Variants in MBOAT2 observed in about 807,000 individuals in gnomAD.
The protein encoded by MBOAT2 is membrane-bound glycerophospholipid O-acyltransferase 2.
MBOAT2 carries 28 observed loss-of-function variants against 63.4 expected under a neutral mutation model. The observed-to-expected ratio is 0.44, with a 90% CI of 0.33 to 0.61. The LOEUF (loss-of-function observed/expected upper bound fraction) is 0.61, where lower values mean the gene tolerates loss of function less well. Among genes scored for constraint, MBOAT2 ranks in the 20% least tolerant of loss-of-function variants. MBOAT2 has a pLI of 0.03. For missense variants in MBOAT2, 470 were observed against 605.8 expected, an observed-to-expected ratio of 0.78 and a Z score of 2.35; for synonymous variants, 211 against 215.6, an observed-to-expected ratio of 0.98 and a Z score of 0.19.
chr2:8,871,958 A>C (rs1662358438), intron 8 of MBOAT2, among the ~76,000 whole-genome samples: 1 of 152,208 alleles, frequency 6.6e-6, no homozygotes, highest in African/African-American at 2.4e-5. Flanking sequence ...ACATATATAA[A>C]AGAGGTTTCA....
At chr2:8,863,184 T>C (rs114453448) in intron 10 of MBOAT2, among the ~76,000 whole-genome samples, 2,698 of 152,258 alleles carry the variant, frequency 0.018, 34 homozygotes, top group Non-Finnish European at 0.029. Flanking sequence ...CCCTAAGGTA[T>C]CAAATTTAAA....
chr2:8,878,829 CA>C (rs1179306354), intron 6 of MBOAT2, among the ~76,000 whole-genome samples: 12 of 152,250 alleles, frequency 7.9e-5, no homozygotes, highest in African/African-American at 2.9e-4. Flanking sequence ...GTAATCCCAG[CA>C]CTTTGGGAGG....
chr2:8,890,995 T>C (rs1663951870), intron 4 of MBOAT2, among the ~76,000 whole-genome samples: 1 of 152,240 alleles, frequency 6.6e-6, no homozygotes, highest in Admixed American at 6.5e-5. Flanking sequence ...AAAAAACCCA[T>C]GAGCTACTCA....
At chr2:8,959,627 A>G (rs1669475999) in intron 1 of MBOAT2, among the ~76,000 whole-genome samples, 1 of 152,014 alleles carries the variant, frequency 6.6e-6, no homozygotes, top group African/African-American at 2.4e-5. Flanking sequence ...ATGCCGAGCT[A>G]ATCTGTGCAT....
chr2:8,858,475 C>T lies in MBOAT2; in HGVS notation c.*204G>A. The T allele has an allele frequency of 2.0e-6, 1 of 512,042 alleles. No individual in the cohort carries two copies. Among genetic ancestry groups the T allele is most frequent in the East Asian group, 3.0e-5 (1 of 33,158 alleles). 31.7% of individuals were successfully genotyped at this position (512,042 alleles called of 1,614,324 possible). On this transcript the variant is annotated 3_prime_UTR_variant, in exon 13 of 13. Transcript: ENST00000305997. ...CCACTGAAATATGGAAATATTCTTA[C>T]ATAAGGCGTGGCCCACGGAGACATG...
chr2:9,003,389 T>G lies in MBOAT2; in HGVS notation c.75+151A>C. 3 of 321,558 alleles carry G rather than the reference T, an allele frequency of 9.3e-6. No individual in the cohort carries two copies. Among genetic ancestry groups the G allele is most frequent in the Middle Eastern group, 9.8e-4 (1 of 1,016 alleles). 19.9% of individuals were successfully genotyped at this position (321,558 alleles called of 1,614,324 possible). A position where few individuals can be genotyped will look rare whatever the true frequency, so the allele number is the denominator to read the frequency against. On this transcript the variant is annotated intron_variant, in intron 1 of 12. Transcript: ENST00000305997. This position sits in a 1 kb window ranked among gnomAD's most constrained non-coding sequence, Gnocchi z 5.4. ...GGGCTCTGGGACAATAACCGGCTTGTTGCCCCCTCCCTTCCAGGGAGCGGC... is the reference window on the plus strand; with the variant it reads ...GGGCTCTGGGACAATAACCGGCTTGGTGCCCCCTCCCTTCCAGGGAGCGGC...
At chr2:8,885,151 T>C (rs546971383) in intron 5 of MBOAT2, among the ~76,000 whole-genome samples, 2 of 152,216 alleles carry the variant, frequency 1.3e-5, no homozygotes, top group African/African-American at 2.4e-5. Flanking sequence ...TTAGTACTTA[T>C]GTATGAATAG....
chr2:8,994,269 T>TCA (rs1205606039), intron 1 of MBOAT2, among the ~76,000 whole-genome samples: 1 of 152,168 alleles, frequency 6.6e-6, no homozygotes, highest in Admixed American at 6.5e-5. Flanking sequence ...CCAGGTGTTA[T>TCA]CAGAGTAGAA....
chr2:8,954,973 G>C (rs1244627123), intron 2 of MBOAT2, among the ~76,000 whole-genome samples: 1 of 152,222 alleles, frequency 6.6e-6, no homozygotes, highest in Non-Finnish European at 1.5e-5. Flanking sequence ...GGCCTTGGCT[G>C]CAAGTGTTGC....
chr2:8,917,327 T>C (rs1353759148), intron 3 of MBOAT2, among the ~76,000 whole-genome samples: 1 of 152,102 alleles, frequency 6.6e-6, no homozygotes, highest in Non-Finnish European at 1.5e-5. Context: ...CAAACATAGG[T>C]TGAAAAAAAT....
chr2:8,887,911 C>G, intron 5 of MBOAT2, 107 bp downstream of exon 5: 2 of 979,302 alleles, frequency 2.0e-6, no homozygotes, highest in Non-Finnish European at 1.6e-6. Flanking sequence ...TATCTTACCT[C>G]CCTCCATTTC....
At chr2:8,902,576 T>A (rs1223251448) in intron 4 of MBOAT2, among the ~76,000 whole-genome samples, 2 of 151,886 alleles carry the variant, frequency 1.3e-5, no homozygotes, top group Non-Finnish European at 2.9e-5. Flanking sequence ...AGGCGGTGCG[T>A]CTGGAGTTGT....
chr2:8,867,539 A>G lies in MBOAT2; in HGVS notation c.987+907T>C, dbSNP rs78200687. Among the ~76,000 whole-genome samples, 748 of 152,256 alleles carry G rather than the reference A, an allele frequency of 4.9e-3. 10 individuals are homozygous for G. Among genetic ancestry groups the G allele is most frequent in the South Asian group, 0.019 (94 of 4,826 alleles). ...AACTCACTAAGTCTGTGATTTGAAG[A>G]TATTATCTGTCCCTTCAAACTCATA... On this transcript the variant is annotated intron_variant, in intron 9 of 12. Coordinates refer to ENST00000305997, the MANE Select transcript of MBOAT2 (RefSeq NM_138799.4).
At position 8,854,814 on chromosome 2, in the gene MBOAT2, TG is replaced by T. The variant is rs772293852; in HGVS notation, c.*3864del. 1 of 152,238 alleles carries T rather than the reference TG, an allele frequency of 6.6e-6. No homozygotes were observed. Among genetic ancestry groups the T allele is most frequent in the Non-Finnish European group, 1.5e-5 (1 of 68,040 alleles). 9.4% of individuals were successfully genotyped at this position (152,238 alleles called of 1,614,324 possible). ...TTAATGGCAAAAATTTTAAAGCTAT[TG>T]TTTTCTGCGGTTTAAAATAAGGTGT... On this transcript the variant is annotated 3_prime_UTR_variant, in exon 13 of 13. Transcript: ENST00000305997.
intron 1 of MBOAT2, among the ~76,000 whole-genome samples, chr2:8,958,926 G>T (rs1013200118): frequency 6.6e-6 from 1 of 152,118 alleles, no homozygotes; most frequent in Non-Finnish European, 1.5e-5. Context: ...GATTGACACT[G>T]GTCTGCAGAC....
At chr2:8,860,394 TTC>T (rs1661411466) in intron 12 of MBOAT2, among the ~76,000 whole-genome samples, 1 of 152,164 alleles carries the variant, frequency 6.6e-6, no homozygotes, top group Non-Finnish European at 1.5e-5. Flanking sequence ...TGGCTGATAT[TTC>T]TCTGTCTAAA....
intron 2 of MBOAT2, among the ~76,000 whole-genome samples, chr2:8,944,648 GACACACACACACACACACACAC>G (rs61107364): frequency 4.3e-5 from 6 of 140,144 alleles, no homozygotes; most frequent in South Asian, 2.3e-4. Context: ...CTGTTTGACT[GACACACACACACACACACACAC>G]ACACACACAC....
At chr2:8,878,804 C>T (rs1482181237) in intron 6 of MBOAT2, among the ~76,000 whole-genome samples, 5 of 152,136 alleles carry the variant, frequency 3.3e-5, no homozygotes, top group African/African-American at 7.2e-5. Context: ...TGGCCGGGCG[C>T]GGTGGCTCAC....
At chr2:8,916,002 G>C (rs1666145475) in intron 3 of MBOAT2, among the ~76,000 whole-genome samples, 1 of 152,132 alleles carries the variant, frequency 6.6e-6, no homozygotes, top group Non-Finnish European at 1.5e-5. Flanking sequence ...CTTAGGTCTG[G>C]TTGATGAAGC....
Sources: allele counts gnomAD v4.1 joint callset (sites outside exome capture counted in the v4.1 genomes callset), GRCh38; gene constraint gnomAD v4.1.1; non-coding constraint Gnocchi (gnomAD v3.1); transcripts MANE v1.5; gene names NCBI Gene and HGNC (gene_info 2026-07-23, HGNC 2026-07-21).